TPST1: variants seen among roughly 807,000 people sequenced by gnomAD.
The protein encoded by TPST1 is tyrosylprotein sulfotransferase 1, also known as protein-tyrosine sulfotransferase 1.
A neutral mutation model predicts 34.8 loss-of-function variants in TPST1; 20 were observed. That is an observed-to-expected ratio of 0.57 (90% CI 0.40 to 0.84). The LOEUF is 0.84. Among genes scored for constraint, TPST1 ranks in the 40% least tolerant of loss-of-function variants. The pLI, the probability that TPST1 is intolerant of heterozygous loss-of-function variation, is 0.00. For synonymous variants in TPST1, 152 were observed against 159.4 expected, an observed-to-expected ratio of 0.95 and a Z score of 0.35; for missense variants, 353 against 455.5, an observed-to-expected ratio of 0.78 and a Z score of 2.05.
At chr7:66,296,638 A>G (rs367964275) in intron 3 of TPST1, among the ~76,000 whole-genome samples, 1 of 143,606 alleles carries the variant, frequency 7.0e-6, no homozygotes, top group African/African-American at 2.6e-5. Context: ...GACTGAGAAT[A>G]TAGGATTTAT....
chr7:66,250,184 C>G (rs982900300), intron 2 of TPST1, among the ~76,000 whole-genome samples: 1 of 152,100 alleles, frequency 6.6e-6, no homozygotes, highest in African/African-American at 2.4e-5. Context: ...TGTGCCTTAT[C>G]TCATTTAGTT....
chr7:66,315,055 T>G (rs891722294), intron 3 of TPST1, among the ~76,000 whole-genome samples: 1 of 152,238 alleles, frequency 6.6e-6, no homozygotes, highest in Non-Finnish European at 1.5e-5. Context: ...TTCATGGTAT[T>G]CTAATGAATG....
At chr7:66,278,025 A>G (rs568030893) in intron 2 of TPST1, among the ~76,000 whole-genome samples, 8 of 138,496 alleles carry the variant, frequency 5.8e-5, no homozygotes, top group African/African-American at 2.2e-4. Context: ...GCTTGAGCCC[A>G]TGAGGTGGAC....
intron 1 of TPST1, among the ~76,000 whole-genome samples, chr7:66,236,415 TAC>T (rs1180428553): frequency 3.3e-5 from 5 of 152,008 alleles, no homozygotes; most frequent in Admixed American, 1.3e-4. Flanking sequence ...TATATGTATA[TAC>T]ACACACACAC....
intron 4 of TPST1, among the ~76,000 whole-genome samples, chr7:66,353,321 T>C (rs1057507070): frequency 8.6e-5 from 13 of 150,870 alleles, no homozygotes; most frequent in African/African-American, 3.2e-4. Context: ...AAAGAAAAAA[T>C]TAGCTAGGCA....
At chr7:66,349,717 G>A (rs1239873399) in intron 3 of TPST1, among the ~76,000 whole-genome samples, 1 of 152,170 alleles carries the variant, frequency 6.6e-6, no homozygotes, top group Non-Finnish European at 1.5e-5. Context: ...GGCCTGAGCA[G>A]TGTATGCCCC....
chr7:66,323,156 C>T (rs927839639), intron 3 of TPST1, among the ~76,000 whole-genome samples: 3 of 151,786 alleles, frequency 2.0e-5, no homozygotes, highest in Non-Finnish European at 4.4e-5. Context: ...GAATATTAAC[C>T]CCATAGCAGA....
intron 3 of TPST1, among the ~76,000 whole-genome samples, chr7:66,323,159 A>G (rs1791791863): frequency 6.6e-6 from 1 of 152,162 alleles, no homozygotes; most frequent in Non-Finnish European, 1.5e-5. Flanking sequence ...TATTAACCCC[A>G]TAGCAGATAC....
At chr7:66,247,864 G>A (rs189026423) in intron 2 of TPST1, among the ~76,000 whole-genome samples, 194 of 152,242 alleles carry the variant, frequency 1.3e-3, no homozygotes, top group Admixed American at 2.6e-3. Flanking sequence ...GCCTCAAAAG[G>A]ACCTAAGGAA....
In TPST1 at chr7:66,351,600, C is replaced by A. The variant is rs999562882; in HGVS notation, c.1045-905C>A. On this transcript the variant is annotated intron_variant, in intron 3 of 5. Transcript: ENST00000304842. The stretch of plus-strand genomic sequence containing the variant: ...CTACTTTGTTATTCTTTTAAAACTA[C>A]CTTGACTATTCTTGGCCCTGTGTAT... Among the ~76,000 whole-genome samples the A allele has an allele frequency of 2.6e-5, 4 of 151,696 alleles. No homozygotes were observed. The East Asian group carries it at 5.8e-4, about 22-fold the overall frequency.
rs71051352 is a variant in TPST1, at chr7:66,347,059, C to CTTTTTT, written c.1045-5425_1045-5420dup. Among the ~76,000 whole-genome samples the CTTTTTT allele has an allele frequency of 1.4e-3, 82 of 59,972 alleles. 18 individuals carry two copies. The highest frequency in any genetic ancestry group is 1.8e-3 in the African/African-American group (27 of 15,078). 39.3% of individuals were successfully genotyped at this position (59,972 alleles called of 152,430 possible). ...TTTCTTCTTTTTTTCCTTTGCTTTTCTTTTTTTTTTTTTTTTTTTTTTTTT... is the reference window on the plus strand; with the variant it reads ...TTTCTTCTTTTTTTCCTTTGCTTTTCTTTTTTTTTTTTTTTTTTTTTTTTTTTTTTT... On this transcript the variant is annotated intron_variant, in intron 3 of 5. Transcript: ENST00000304842.
chr7:66,315,105 T>C (rs1024579920), intron 3 of TPST1, among the ~76,000 whole-genome samples: 3 of 152,238 alleles, frequency 2.0e-5, no homozygotes, highest in African/African-American at 7.2e-5. Context: ...GTATCTGTTA[T>C]GATAATGAAA....
At chr7:66,198,835 C>T in the TPST1 span, among the ~76,000 whole-genome samples, 1 of 152,192 alleles carries the variant, frequency 6.6e-6, no homozygotes, top group African/African-American at 2.4e-5. Context: ...GTCCTGCTCA[C>T]ATTTTTCTTT....
intron 3 of TPST1, among the ~76,000 whole-genome samples, chr7:66,347,219 C>T (rs1414211352): frequency 1.3e-5 from 2 of 151,762 alleles, no homozygotes; most frequent in East Asian, 1.9e-4. Context: ...AGGTATATGC[C>T]ACCATGCCTG....
At chr7:66,231,629 C>T (rs1789796353) in intron 1 of TPST1, among the ~76,000 whole-genome samples, 1 of 152,264 alleles carries the variant, frequency 6.6e-6, no homozygotes, top group Non-Finnish European at 1.5e-5. Flanking sequence ...GCCAGCTGCT[C>T]CGAGTGCGGG....
At chr7:66,330,274 A>T (rs1046788254) in intron 3 of TPST1, among the ~76,000 whole-genome samples, 3 of 152,166 alleles carry the variant, frequency 2.0e-5, no homozygotes, top group African/African-American at 7.2e-5. Flanking sequence ...CATAAAGGAG[A>T]GGCAAGGGAG....
chr7:66,336,197 C>G (rs1792116361), intron 3 of TPST1, among the ~76,000 whole-genome samples: 1 of 152,008 alleles, frequency 6.6e-6, no homozygotes, highest in Admixed American at 6.6e-5. Context: ...GTAGTCCCAG[C>G]TACTCGGGAG....
chr7:66,271,403 T>A (rs975087286), intron 2 of TPST1, among the ~76,000 whole-genome samples: 1 of 152,208 alleles, frequency 6.6e-6, no homozygotes, highest in African/African-American at 2.4e-5. Context: ...CATCTTGATC[T>A]CCTGATCTCG....
intron 4 of TPST1, 147 bp downstream of exon 4, chr7:66,352,702 A>G: frequency 2.0e-6 from 3 of 1,482,312 alleles, no homozygotes; most frequent in Non-Finnish European, 2.7e-6. Flanking sequence ...GTGCTGGGGA[A>G]GAAAGATCAG....
Sources: allele counts gnomAD v4.1 joint callset (sites outside exome capture counted in the v4.1 genomes callset), GRCh38; gene constraint gnomAD v4.1.1; transcripts MANE v1.5; gene names NCBI Gene and HGNC (gene_info 2026-07-23, HGNC 2026-07-21).